Variants in KIAA0319 observed in about 807,000 individuals in gnomAD.
KIAA0319 encodes KIAA0319, also known as dyslexia-associated protein KIAA0319.
A neutral mutation model predicts 108.4 loss-of-function variants in KIAA0319; 83 were observed. That is an observed-to-expected ratio of 0.77 (90% CI 0.64 to 0.92). The LOEUF (loss-of-function observed/expected upper bound fraction) is 0.92. Among genes scored for constraint, KIAA0319 ranks in the 40% least tolerant of loss-of-function variants. The pLI, the probability that KIAA0319 is intolerant of heterozygous loss-of-function variation, is 0.00. For missense variants in KIAA0319, 1,195 were observed against 1,322.4 expected, an observed-to-expected ratio of 0.90 and a Z score of 1.49; for synonymous variants, 484 against 510.4, an observed-to-expected ratio of 0.95 and a Z score of 0.70.
chr6:24,644,301 T>G (rs1010001726), intron 1 of KIAA0319, among the ~76,000 whole-genome samples: 1 of 152,214 alleles, frequency 6.6e-6, no homozygotes, highest in African/African-American at 2.4e-5. Flanking sequence ...GACCTTGAAC[T>G]GTAATAATTG....
intron 10 of KIAA0319, among the ~76,000 whole-genome samples, chr6:24,574,051 G>T (rs865895358): frequency 1.3e-5 from 2 of 152,222 alleles, no homozygotes; most frequent in South Asian, 4.1e-4. Context: ...GGGGGTGGAG[G>T]TTGCAGTGAG....
Position 24,582,326 on chromosome 6 carries a change from A to G in KIAA0319, c.1114T>C (p.Trp372Arg), listed in dbSNP as rs780102968. ...TCTGTGGGGTGGCTTATTAAATTCC[A>G]TTCATAGTTGTAGGTTGTTTCTGAG... ...PPVETTYNYEWNLISHPTDYQ... is the reference protein window; with the variant it reads ...PPVETTYNYERNLISHPTDYQ... Residue 372 changes from tryptophan (W) to arginine (R), a missense_variant, in exon 6 of 21, where the codon TGG becomes CGG. By Grantham distance (101) the Trp-to-Arg change is moderately radical. Coordinates refer to ENST00000378214, the MANE Select transcript of KIAA0319 (RefSeq NM_014809.4). 6.2e-7 allele frequency: 1 copy of G among 1,609,898 alleles called. No homozygotes were observed. Among genetic ancestry groups the G allele is most frequent in the Non-Finnish European group, 8.5e-7 (1 of 1,176,472 alleles).
chr6:24,554,477 C>T, intron 19 of KIAA0319, 64 bp downstream of exon 19: 1 of 1,159,186 alleles, frequency 8.6e-7, no homozygotes, highest in Non-Finnish European at 1.3e-6. Flanking sequence ...GTAAACAATT[C>T]CTAAGCTGTC....
At position 24,599,141 on chromosome 6, in the gene KIAA0319, CA is replaced by C; in HGVS notation, c.55+1907del. ...ACATGGACAGCATCATTGCTGAGGT[CA>C]AGGCCCAGTACAAGGAGATCACCAA... On this transcript the variant is annotated intron_variant, in intron 2 of 20. Transcript: ENST00000378214. This position sits in a 1 kb window ranked among gnomAD's most constrained non-coding sequence, Gnocchi z 4.1. 1.6e-6 allele frequency: 1 copy of C among 631,442 alleles called. No homozygotes were observed. Among genetic ancestry groups the C allele is most frequent in the South Asian group, 1.8e-5 (1 of 54,980 alleles). The allele number at this position is 631,442 out of a possible 1,614,324, so 39.1% of individuals were successfully genotyped here. A position where few individuals can be genotyped will look rare whatever the true frequency, so the allele number is the denominator to read the frequency against.
At chr6:24,603,047 A>G (rs1231404132) in intron 1 of KIAA0319, among the ~76,000 whole-genome samples, 4 of 152,240 alleles carry the variant, frequency 2.6e-5, no homozygotes, top group African/African-American at 9.6e-5. Context: ...AATTTGTTTA[A>G]ACATTCTAAG....
intron 1 of KIAA0319, among the ~76,000 whole-genome samples, chr6:24,640,283 G>A (rs1351221179): frequency 2.0e-5 from 3 of 152,110 alleles, no homozygotes; most frequent in Admixed American, 2.0e-4. Flanking sequence ...ATGCCATCAG[G>A]GAAATAGAGA....
At chr6:24,592,345 A>G (rs1768624860) in intron 3 of KIAA0319, among the ~76,000 whole-genome samples, 1 of 152,224 alleles carries the variant, frequency 6.6e-6, no homozygotes, top group South Asian at 2.1e-4. Flanking sequence ...ACTATTTTAC[A>G]TATTTTTTTG....
At chr6:24,643,604 T>G (rs143130795) in intron 1 of KIAA0319, among the ~76,000 whole-genome samples, 68 of 152,336 alleles carry the variant, frequency 4.5e-4, no homozygotes, top group Non-Finnish European at 8.4e-4. Context: ...GAAAAATTTA[T>G]GCATTTTATG....
At chr6:24,584,094 C>T (rs954109978) in intron 4 of KIAA0319, among the ~76,000 whole-genome samples, 2 of 152,078 alleles carry the variant, frequency 1.3e-5, no homozygotes, top group African/African-American at 2.4e-5. Context: ...GAGTGTAATC[C>T]TAAGTGTTTC....
intron 4 of KIAA0319, among the ~76,000 whole-genome samples, chr6:24,584,260 A>T (rs75964421): frequency 0.018 from 2,746 of 152,072 alleles, 38 homozygotes; most frequent in African/African-American, 0.042. Flanking sequence ...CTCTTATCAA[A>T]AGTGCTTAGC....
At chr6:24,622,319 T>A (rs201212217) in intron 1 of KIAA0319, among the ~76,000 whole-genome samples, 437 of 114,484 alleles carry the variant, frequency 3.8e-3, no homozygotes, top group Middle Eastern at 4.9e-3. Context: ...TTTGAGAAAT[T>A]AAAAAAAAAA....
downstream of KIAA0319, among the ~76,000 whole-genome samples, chr6:24,541,880 C>G (rs1402371423): frequency 6.6e-6 from 1 of 152,166 alleles, no homozygotes; most frequent in Non-Finnish European, 1.5e-5. Flanking sequence ...TGGCCCATGC[C>G]TGTAGTCCCA....
Position 24,582,273 on chromosome 6 carries a change from G to T in KIAA0319, c.1167C>A (p.His389Gln), listed in dbSNP as rs1414553401. Reference protein sequence around the residue: ...TDYQGEIKQGHKQTLNLSQLS... With the variant: ...TDYQGEIKQGQKQTLNLSQLS... ...CTTGAGAGAGGTTAAGAGTTTGCTT[G>T]TGTCCTTGTTTTATTTCACCTTGGT... is the stretch of plus-strand genomic sequence containing the variant. Residue 389 changes from histidine (H) to glutamine (Q), a missense_variant, in exon 6 of 21, where the codon CAC becomes CAA. By Grantham distance (24) the His-to-Gln change is conservative (BLOSUM62 0). Transcript: ENST00000378214. 1.2e-6 allele frequency: 2 copies of T among 1,604,618 alleles called. No individual in the cohort carries two copies. The highest frequency in any genetic ancestry group is 3.3e-5 in the Admixed American group (2 of 59,986).
In KIAA0319 at chr6:24,585,658, G is replaced by A. The variant is rs543220907; in HGVS notation, c.995-1956C>T. 3.9e-5 allele frequency among the ~76,000 whole-genome samples: 6 copies of A among 152,302 alleles called. No homozygotes were observed. The East Asian group carries it at 1.2e-3, about 29-fold the overall frequency. ...TGTATTCAGTGAAAGACTGATCAAA[G>A]ACTCAAAAGAATGCAATATTTGTCT... On this transcript the variant is annotated intron_variant, in intron 4 of 20. Coordinates refer to ENST00000378214, the MANE Select transcript of KIAA0319 (RefSeq NM_014809.4).
rs1324206980 is a variant in KIAA0319, at chr6:24,579,866, T to A, written c.1364A>T (p.Asp455Val). 1 of 1,601,380 alleles carries A rather than the reference T, an allele frequency of 6.2e-7. No homozygotes were observed. The highest frequency in any genetic ancestry group is 8.5e-7 in the Non-Finnish European group (1 of 1,173,198). Residue 455 changes from aspartate (D) to valine (V), a missense_variant, in exon 8 of 21, where the codon GAT becomes GTT. Physicochemically the swap from Asp to Val is radical, Grantham distance 152. Coordinates refer to ENST00000378214, the MANE Select transcript of KIAA0319 (RefSeq NM_014809.4). ...TATCTCAGGATACACACGGCTGCCA[T>A]CAATGAGGGCTGACGTCAAAGGCAA... ...LTLPLTSALI[D>V]GSQSTDDTEI...
At chr6:24,572,825 A>G (rs1189329603) in intron 10 of KIAA0319, 127 bp from the exon 11 acceptor site, 11 of 1,002,848 alleles carry the variant, frequency 1.1e-5, no homozygotes, top group Non-Finnish European at 1.4e-5. Context: ...TCAAAAAAGA[A>G]ATGTGTTTGG....
intron 1 of KIAA0319, among the ~76,000 whole-genome samples, chr6:24,610,759 T>C (rs769054151): frequency 1.8e-4 from 28 of 152,168 alleles, no homozygotes; most frequent in Non-Finnish European, 3.4e-4. Flanking sequence ...TATGGTTTTT[T>C]TGAGCCAAGC....
intron 1 of KIAA0319, among the ~76,000 whole-genome samples, chr6:24,643,403 G>T (rs940022499): frequency 6.6e-6 from 1 of 152,002 alleles, no homozygotes; most frequent in Non-Finnish European, 1.5e-5. Flanking sequence ...TAACAAAACT[G>T]CACTTGTACA....
Position 24,596,227 on chromosome 6 carries a change from G to A in KIAA0319, c.447C>T (p.Gly149=), listed in dbSNP as rs751392977. 1.2e-6 allele frequency: 2 copies of A among 1,614,148 alleles called. No homozygotes were observed. Among genetic ancestry groups the A allele is most frequent in the African/African-American group, 2.7e-5 (2 of 75,024 alleles). ...KDLTFLGKDW[G]LEEMSEYSDD... ...CTGAGTACTCAGACATCTCCTCTAG[G>A]CCCCAATCTTTGCCTAGAAAGGTCA... The change falls in exon 3 of 21, where the codon GGC becomes GGT. Residue 149 remains glycine, a synonymous_variant. Transcript: ENST00000378214.
Sources: allele counts gnomAD v4.1 joint callset (sites outside exome capture counted in the v4.1 genomes callset), GRCh38; gene constraint gnomAD v4.1.1; non-coding constraint Gnocchi (gnomAD v3.1); transcripts MANE v1.5; gene names NCBI Gene and HGNC (gene_info 2026-07-23, HGNC 2026-07-21).